SLC19A3: variants seen among roughly 807,000 people sequenced by gnomAD.
The protein encoded by SLC19A3 is thiamine transporter 2.
Under a neutral mutation model 40.2 loss-of-function variants are expected in SLC19A3, and 31 were observed. The ratio of observed to expected loss-of-function variants is 0.77; its 90% CI spans 0.58 to 1.04. The LOEUF (loss-of-function observed/expected upper bound fraction) is 1.04. Among genes scored for constraint, SLC19A3 ranks in the 50% least tolerant of loss-of-function variants. The pLI is 0.00. For missense variants in SLC19A3, 592 were observed against 596.7 expected, an observed-to-expected ratio of 0.99 and a Z score of 0.08; for synonymous variants, 212 against 227.5, an observed-to-expected ratio of 0.93 and a Z score of 0.61.
chr2:227,696,563 T>C (rs1353302781), intron 3 of SLC19A3, among the ~76,000 whole-genome samples: 1 of 152,238 alleles, frequency 6.6e-6, no homozygotes, highest in African/African-American at 2.4e-5. Flanking sequence ...GTCTTTTTTC[T>C]TGCCCTACCC....
intron 4 of SLC19A3, among the ~76,000 whole-genome samples, chr2:227,692,336 A>G (rs1354428501): frequency 1.3e-5 from 2 of 152,244 alleles, no homozygotes; most frequent in African/African-American, 2.4e-5. Flanking sequence ...TCAATAATAC[A>G]TTAGAAAGAT....
intron 1 of SLC19A3, chr2:227,706,253 C>T: frequency 8.4e-7 from 1 of 1,189,536 alleles, no homozygotes; most frequent in Non-Finnish European, 1.1e-6. Flanking sequence ...CTCTAAACGT[C>T]CCTTTGCTTC....
rs892595765 is a variant in SLC19A3, at chr2:227,714,480, T to C, written c.-3+3463A>G. On this transcript the variant is annotated intron_variant, in intron 1 of 5. Transcript: ENST00000644224. Reference sequence around the variant, plus strand: ...TTTTCTGTGCCCCCAGTTTCTTTCTTTCTAGAACCAAGCTGGCTTCCTGCC... The same window carrying C: ...TTTTCTGTGCCCCCAGTTTCTTTCTCTCTAGAACCAAGCTGGCTTCCTGCC... The C allele has an allele frequency of 2.8e-5, 28 of 985,390 alleles. No individual in the cohort carries two copies. The South Asian group carries it at 6.1e-4, about 21-fold the overall frequency. 61.0% of individuals were successfully genotyped at this position (985,390 alleles called of 1,614,324 possible).
At chr2:227,717,182 T>A in intron 1 of SLC19A3, among the ~76,000 whole-genome samples, 1 of 151,980 alleles carries the variant, frequency 6.6e-6, no homozygotes, top group East Asian at 1.9e-4. Context: ...TTTGCCTTTT[T>A]AGTAGAGACG....
In SLC19A3 at chr2:227,685,593, T is replaced by C. The variant is rs1694988331; in HGVS notation, c.*1804A>G. 1 of 152,168 alleles carries C rather than the reference T, an allele frequency of 6.6e-6. No homozygotes were observed. Among genetic ancestry groups the C allele is most frequent in the African/African-American group, 2.4e-5 (1 of 41,438 alleles). 9.4% of individuals were successfully genotyped at this position (152,168 alleles called of 1,614,324 possible). A position where few individuals can be genotyped will look rare whatever the true frequency, so the allele number is the denominator to read the frequency against. On this transcript the variant is annotated 3_prime_UTR_variant, in exon 6 of 6. Transcript: ENST00000644224. ...TCCAATTAAAAATTTTTTTGTTTGTTTTAGACACAGGGTCTTGCTATATTG... is the reference window on the plus strand; with the variant it reads ...TCCAATTAAAAATTTTTTTGTTTGTCTTAGACACAGGGTCTTGCTATATTG...
chr2:227,690,706 C>CAAAAAAAAAAAA (rs34163746), intron 4 of SLC19A3, among the ~76,000 whole-genome samples: 9 of 39,166 alleles, frequency 2.3e-4, no homozygotes, highest in African/African-American at 7.6e-4. Flanking sequence ...GACTCCATCT[C>CAAAAAAAAAAAA]AAAAAAAAAA....
At chr2:227,710,483 G>C (rs1175745719) in intron 1 of SLC19A3, among the ~76,000 whole-genome samples, 1 of 152,130 alleles carries the variant, frequency 6.6e-6, no homozygotes, top group Non-Finnish European at 1.5e-5. Context: ...ATCACCTGAA[G>C]TTAGGAGTTC....
At chr2:227,715,512 C>T (rs1338550632) in intron 1 of SLC19A3, among the ~76,000 whole-genome samples, 3 of 152,186 alleles carry the variant, frequency 2.0e-5, no homozygotes, top group African/African-American at 7.2e-5. Flanking sequence ...AGGTGTGAGC[C>T]ACCGCACCCA....
In SLC19A3 at chr2:227,699,473, G is replaced by A. The variant is rs752029795; in HGVS notation, c.242C>T (p.Pro81Leu). The change falls in exon 3 of 6, where the codon CCA (proline) becomes CTA (leucine). Residue 81 changes from proline (P) to leucine (L), a missense_variant. Coordinates refer to ENST00000644224, the MANE Select transcript of SLC19A3 (RefSeq NM_025243.4). ...FVLTDYVRYK[P>L]VIILQGISFI... ...ACTGATACCTTGCAAGATGATGACTGGCTTGTAGCGGACATAATCGGTGAG... is the reference window on the plus strand; with the variant it reads ...ACTGATACCTTGCAAGATGATGACTAGCTTGTAGCGGACATAATCGGTGAG... 5.0e-6 allele frequency: 8 copies of A among 1,614,054 alleles called. No individual in the cohort carries two copies. The Admixed American group carries it at 1.0e-4, about 20-fold the overall frequency.
At chr2:227,708,560 TCAAACAAACAAACAAA>T (rs60812853) in intron 1 of SLC19A3, among the ~76,000 whole-genome samples, 44,927 of 150,706 alleles carry the variant, frequency 0.3, 7,591 homozygotes, top group East Asian at 0.81. Flanking sequence ...CCTGTCTCTA[TCAAACAAACAAACAAA>T]CAAACAAACA....
intron 1 of SLC19A3, among the ~76,000 whole-genome samples, chr2:227,713,681 C>T (rs1297510096): frequency 6.6e-6 from 1 of 151,962 alleles, no homozygotes; most frequent in Non-Finnish European, 1.5e-5. Context: ...TTCCCAGCCT[C>T]CATAACTGTA....
rs1286045519 is a variant in SLC19A3 at position 227,703,788 on chromosome 2, A to G, written c.-2-1468T>C. On this transcript the variant is annotated intron_variant, in intron 1 of 5. Transcript: ENST00000644224. The surrounding 1 kb of genome is among the most constrained non-coding windows in gnomAD (Gnocchi z 4.7). ...TAGCATCTGCTGGCTCTATATCCAG[A>G]GCCTCCTCTCCACCTTTGCTGACCA... 1.3e-5 allele frequency among the ~76,000 whole-genome samples: 2 copies of G among 152,140 alleles called. No individual in the cohort carries two copies. The highest frequency in any genetic ancestry group is 2.9e-5 in the Non-Finnish European group (2 of 68,020).
intron 4 of SLC19A3, among the ~76,000 whole-genome samples, chr2:227,695,346 T>C (rs965460456): frequency 6.6e-6 from 1 of 152,196 alleles, no homozygotes; most frequent in African/African-American, 2.4e-5. Flanking sequence ...CTCACACCTG[T>C]AATTCCAGCA....
At chr2:227,692,741 T>C (rs1338059425) in intron 4 of SLC19A3, among the ~76,000 whole-genome samples, 1 of 152,216 alleles carries the variant, frequency 6.6e-6, no homozygotes, top group Non-Finnish European at 1.5e-5. Flanking sequence ...GGCATCCACA[T>C]TGGAAAGGAT....
chr2:227,715,469 G>A lies in SLC19A3; in HGVS notation c.-3+2474C>T, dbSNP rs184291463. Among the ~76,000 whole-genome samples, 21 of 151,034 alleles carry A rather than the reference G, an allele frequency of 1.4e-4. 1 individual carries two copies. The South Asian group carries it at 1.9e-3, about 14-fold the overall frequency. On this transcript the variant is annotated intron_variant, in intron 1 of 5. Coordinates refer to ENST00000644224, the MANE Select transcript of SLC19A3 (RefSeq NM_025243.4). ...TTGAACTCCTGGCCTCAAGAAATCC[G>A]CCTGCCTTGGCCTCCCAAAGTGCTG...
intron 1 of SLC19A3, chr2:227,714,545 A>G (rs996452732): frequency 3.9e-5 from 38 of 985,298 alleles, no homozygotes; most frequent in African/African-American, 8.7e-5. Context: ...GCCCGCCACT[A>G]TGAAAATCCC....
chr2:227,696,379 T>G (rs1482263555), intron 3 of SLC19A3, among the ~76,000 whole-genome samples: 1 of 152,050 alleles, frequency 6.6e-6, no homozygotes, highest in African/African-American at 2.4e-5. Context: ...ACCACAGCAG[T>G]GTAAGGAGAA....
At chr2:227,711,580 A>G (rs915243173) in intron 1 of SLC19A3, among the ~76,000 whole-genome samples, 2 of 152,170 alleles carry the variant, frequency 1.3e-5, no homozygotes, top group African/African-American at 4.8e-5. Context: ...CACAAAAACT[A>G]ATTTGACATA....
chr2:227,698,154 CTTTTTA>C (rs955675291), intron 3 of SLC19A3, among the ~76,000 whole-genome samples: 4 of 151,976 alleles, frequency 2.6e-5, no homozygotes, highest in East Asian at 3.9e-4. Context: ...GACTTTCATT[CTTTTTA>C]TTTTTATTTT....
Sources: gnomAD v4.1 joint callset for allele counts (sites outside exome capture counted in the v4.1 genomes callset) on GRCh38, gnomAD v4.1.1 for gene constraint, Gnocchi (gnomAD v3.1) non-coding constraint, MANE v1.5 for transcripts, NCBI Gene and HGNC (gene_info 2026-07-23, HGNC 2026-07-21) for gene names.